Variants in SYNE2 observed in about 807,000 individuals in gnomAD.
SYNE2 encodes the protein spectrin repeat containing nuclear envelope protein 2.
A neutral mutation model predicts 856.3 loss-of-function variants in SYNE2; 431 were observed. The observed-to-expected ratio is 0.50, with a 90% CI of 0.47 to 0.55. The LOEUF (loss-of-function observed/expected upper bound fraction) is 0.55, where lower values mean the gene tolerates loss of function less well. Among genes scored for constraint, SYNE2 ranks in the 20% least tolerant of loss-of-function variants. The pLI, the probability that SYNE2 is intolerant of heterozygous loss-of-function variation, is 0.00. For missense variants in SYNE2, 8,129 were observed against 8,023.2 expected (o/e 1.01, Z -0.50); for synonymous variants, 2,923 against 2,872.3 (o/e 1.02, Z -0.56).
intron 1 of SYNE2, among the ~76,000 whole-genome samples, chr14:63,785,892 G>A (rs1566565160): frequency 6.6e-6 from 1 of 152,032 alleles, no homozygotes; most frequent in Non-Finnish European, 1.5e-5. Flanking sequence ...GACCAATCGA[G>A]CCCAGGAGTT....
At chr14:64,078,127 A>G (rs1038263627) in intron 54 of SYNE2, among the ~76,000 whole-genome samples, 2 of 152,206 alleles carry the variant, frequency 1.3e-5, no homozygotes, top group African/African-American at 4.8e-5. Context: ...CATTTATATC[A>G]TTTGATCCAT....
At chr14:64,130,471 G>A (rs2098004901) in intron 76 of SYNE2, among the ~76,000 whole-genome samples, 1 of 152,150 alleles carries the variant, frequency 6.6e-6, no homozygotes, top group African/African-American at 2.4e-5. Flanking sequence ...CATTCACAGA[G>A]CTTTCACCTG....
At position 64,087,093 on chromosome 14, in the gene SYNE2, T is replaced by TTAAAAAA. The variant is rs370560128; in HGVS notation, c.11485-578_11485-577insTAAAAAA. ...TGATGCTGTTGTCAGTGATAATTGG[T>TTAAAAAA]AAAAAAAAAAAAAAAAAAAGCATTG... On this transcript the variant is annotated intron_variant, in intron 57 of 115. Transcript: ENST00000555002. 7.1e-5 allele frequency among the ~76,000 whole-genome samples: 7 copies of TTAAAAAA among 98,438 alleles called. No individual in the cohort carries two copies. In the South Asian group the frequency reaches 2.1e-3, roughly 30 times the overall value. The allele number at this position is 98,438 out of a possible 152,430, so 64.6% of individuals were successfully genotyped here.
intron 2 of SYNE2, among the ~76,000 whole-genome samples, chr14:63,921,520 C>A (rs2095600651): frequency 6.6e-6 from 1 of 152,062 alleles, no homozygotes; most frequent in African/African-American, 2.4e-5. Flanking sequence ...AGAGACCCAA[C>A]TGAGTGTGGT....
chr14:64,096,556 T>C (rs919790480), intron 61 of SYNE2, among the ~76,000 whole-genome samples: 8 of 152,204 alleles, frequency 5.3e-5, no homozygotes, highest in African/African-American at 1.9e-4. Flanking sequence ...CTCTGAAGTT[T>C]AGTGTTTATT....
In SYNE2 at chr14:63,948,782, G is replaced by GTGTGTGTGTC. The variant is rs1454688156; in HGVS notation, c.409-1042_409-1041insGTGTGTGTCT. Among the ~76,000 whole-genome samples, 55 of 43,898 alleles carry GTGTGTGTGTC rather than the reference G, an allele frequency of 1.3e-3. 3 individuals carry two copies. The highest frequency in any genetic ancestry group is 4.3e-3 in the African/African-American group (53 of 12,426). 28.8% of individuals were successfully genotyped at this position (43,898 alleles called of 152,430 possible). On this transcript the variant is annotated intron_variant, in intron 6 of 115. Transcript: ENST00000555002. ...TATGTATATATATGTATGTGTGTGTGTATATATATATATATATATATATAT... is the reference window on the plus strand; with the variant it reads ...TATGTATATATATGTATGTGTGTGTGTGTGTGTGTCTATATATATATATATATATATATAT...
chr14:64,034,743 T>C (rs1222659740), intron 45 of SYNE2, among the ~76,000 whole-genome samples: 1 of 152,120 alleles, frequency 6.6e-6, no homozygotes, highest in Non-Finnish European at 1.5e-5. Flanking sequence ...TATAGATGCG[T>C]ATTTCTGAAT....
intron 110 of SYNE2, 59 bp downstream of exon 110, chr14:64,219,469 A>T: frequency 6.4e-7 from 1 of 1,551,772 alleles, no homozygotes; most frequent in South Asian, 1.1e-5. Flanking sequence ...ACGCATTGCT[A>T]TGCTGGACGA....
intron 83 of SYNE2, among the ~76,000 whole-genome samples, chr14:64,145,155 G>A (rs1007581200): frequency 3.3e-5 from 5 of 151,738 alleles, no homozygotes; most frequent in African/African-American, 4.8e-5. Flanking sequence ...TCGAACTCCT[G>A]ACCTCCAGTG....
chr14:63,974,852 ATGTGTGTG>A (rs1289413090), intron 11 of SYNE2, among the ~76,000 whole-genome samples: 70 of 78,772 alleles, frequency 8.9e-4, no homozygotes, highest in East Asian at 4.5e-3. Flanking sequence ...GTGTGTGTAC[ATGTGTGTG>A]TGTGTGTGTG....
chr14:64,074,231 G>T (rs1010073962), intron 53 of SYNE2, 95 bp downstream of exon 53: 8 of 1,292,706 alleles, frequency 6.2e-6, no homozygotes, highest in African/African-American at 1.5e-5. Context: ...GGCTGGGTTT[G>T]GGGGAGCGGT....
chr14:64,113,890 A>G (rs554256634), intron 66 of SYNE2, among the ~76,000 whole-genome samples: 3 of 152,296 alleles, frequency 2.0e-5, no homozygotes, highest in African/African-American at 7.2e-5. Context: ...TCAGGATTAA[A>G]TAAGGTATTT....
At chr14:63,882,854 A>G (rs563803175) in intron 1 of SYNE2, among the ~76,000 whole-genome samples, 1 of 152,360 alleles carries the variant, frequency 6.6e-6, no homozygotes, top group South Asian at 2.1e-4. Flanking sequence ...TGAGCCACTT[A>G]GGATAAAGCA....
At chr14:64,103,515 C>A (rs1486767087) in intron 64 of SYNE2, among the ~76,000 whole-genome samples, 1 of 152,134 alleles carries the variant, frequency 6.6e-6, no homozygotes, top group Admixed American at 6.5e-5. Flanking sequence ...TTCCTTTGCT[C>A]CCGGAAGATC....
intron 109 of SYNE2, 63 bp downstream of exon 109, chr14:64,218,575 G>GA: frequency 1.3e-6 from 2 of 1,494,118 alleles, no homozygotes; most frequent in Non-Finnish European, 1.8e-6. Context: ...CCTTGCTCAA[G>GA]AGAACATTCA....
intron 7 of SYNE2, 109 bp downstream of exon 7, chr14:63,950,115 C>G: frequency 3.3e-6 from 4 of 1,201,438 alleles, no homozygotes; most frequent in Non-Finnish European, 4.9e-6. Flanking sequence ...CTCACTATCC[C>G]CCTTCCTCTC....
chr14:63,838,628 G>C, intron 1 of SYNE2, among the ~76,000 whole-genome samples: 1 of 151,890 alleles, frequency 6.6e-6, no homozygotes, highest in East Asian at 1.9e-4. Flanking sequence ...AATCCTCCCA[G>C]CCTCCGTAGT....
chr14:64,038,646 G>GC (rs1012548129), intron 45 of SYNE2, among the ~76,000 whole-genome samples: 1 of 152,212 alleles, frequency 6.6e-6, no homozygotes, highest in African/African-American at 2.4e-5. Flanking sequence ...CTGGAGACCA[G>GC]CCCGGCCAAC....
In SYNE2 at chr14:64,087,797, G is replaced by C. The variant is rs2097575182; in HGVS notation, c.11611G>C (p.Val3871Leu). 1 of 1,613,982 alleles carries C rather than the reference G, an allele frequency of 6.2e-7. No individual in the cohort carries two copies. Among genetic ancestry groups the C allele is most frequent in the Non-Finnish European group, 8.5e-7 (1 of 1,180,008 alleles). ...TQSIQELSNQ[V>L]TALQQKIMES... is the part of the protein sequence containing the mutation. ...ATCCATACAAGAGTTAAGTAATCAA[G>C]TAACAGCTTTACAACAAAAAATAAT... is the stretch of plus-strand genomic sequence containing the variant. The change falls in exon 58 of 116, where the codon GTA becomes CTA. Residue 3871 changes from valine to leucine, a missense_variant. Physicochemically the swap from Val to Leu is conservative, Grantham distance 32. Around this residue, in one of 3 missense-constraint regions of SYNE2, gnomAD observed 5,410 missense variants for 5,284.8 expected, o/e 1.02. Coordinates refer to ENST00000555002, the MANE Select transcript of SYNE2 (RefSeq NM_182914.3).
Sources: gnomAD v4.1 joint callset for allele counts (sites outside exome capture counted in the v4.1 genomes callset) on GRCh38, gnomAD v4.1.1 for gene constraint, gnomAD v4.1.1 regional missense constraint, MANE v1.5 for transcripts, NCBI Gene and HGNC (gene_info 2026-07-23, HGNC 2026-07-21) for gene names.